Variants in SND1 observed in about 807,000 individuals in gnomAD.
SND1 encodes staphylococcal nuclease and tudor domain containing 1.
A neutral mutation model predicts 121.7 loss-of-function variants in SND1; 38 were observed. The observed-to-expected ratio is 0.31, with a 90% CI of 0.24 to 0.41. The LOEUF is 0.41. SND1 is among the 10% of genes least tolerant of loss of function. The pLI is 1.00. For synonymous variants in SND1, 401 were observed against 447.4 expected (o/e 0.90, Z 1.31); for missense variants, 868 against 1,184.6 (o/e 0.73, Z 3.92).
intron 11 of SND1, among the ~76,000 whole-genome samples, chr7:127,833,043 G>T (rs1798792291): frequency 6.6e-6 from 1 of 152,094 alleles, no homozygotes; most frequent in Non-Finnish European, 1.5e-5. Flanking sequence ...CAAAAGGGTT[G>T]GGGACCACTT....
At chr7:127,948,124 A>T (rs1353006147) in intron 15 of SND1, among the ~76,000 whole-genome samples, 1 of 152,210 alleles carries the variant, frequency 6.6e-6, no homozygotes, top group Non-Finnish European at 1.5e-5. Flanking sequence ...TGGAAAGTTT[A>T]GTGAATAAGA....
intron 17 of SND1, among the ~76,000 whole-genome samples, chr7:128,075,945 A>AG (rs1017516926): frequency 4.6e-5 from 7 of 151,958 alleles, no homozygotes; most frequent in African/African-American, 1.7e-4. Flanking sequence ...CTGCAGGGAG[A>AG]GGGGGGGAGG....
rs146928001 is a variant in SND1 at position 127,692,784 on chromosome 7, T to A, written c.229-2044T>A. On this transcript the variant is annotated intron_variant, in intron 2 of 23. Coordinates refer to ENST00000354725, the MANE Select transcript of SND1 (RefSeq NM_014390.4). ...TTTTTCTTACACGGTTAGGCATATG[T>A]CCTTTGCAAGACCTCCAGTGTGGTT... Among the ~76,000 whole-genome samples the A allele has an allele frequency of 3.9e-5, 6 of 152,364 alleles. No individual in the cohort carries two copies. The East Asian group carries it at 1.2e-3, about 29-fold the overall frequency.
chr7:127,712,167 G>A (rs889596749), intron 9 of SND1, among the ~76,000 whole-genome samples: 1 of 152,056 alleles, frequency 6.6e-6, no homozygotes, highest in African/African-American at 2.4e-5. Flanking sequence ...ATATTTGCTT[G>A]TTTGTTTTTG....
Position 128,087,006 on chromosome 7 carries a change from T to C in SND1, c.2373T>C (p.Ala791=), listed in dbSNP as rs753486679. The C allele has an allele frequency of 2.5e-5, 40 of 1,614,068 alleles. 1 individual carries two copies. In the South Asian group the frequency reaches 4.4e-4, roughly 18 times the overall value. ...SPAFSTRVLP[A]QATEYAFAFI... is the part of the protein sequence containing the mutation. ...CCTTCAGCACTCGGGTGCTGCCAGC[T>C]CAAGCCACGGAGTATGCCTTCGCCT... is the stretch of plus-strand genomic sequence containing the variant. Residue 791 remains alanine (A), a synonymous_variant, in exon 21 of 24, where the codon GCT becomes GCC. Coordinates refer to ENST00000354725, the MANE Select transcript of SND1 (RefSeq NM_014390.4).
intron 14 of SND1, among the ~76,000 whole-genome samples, chr7:127,908,778 C>A (rs1392169448): frequency 1.3e-5 from 2 of 152,276 alleles, no homozygotes; most frequent in South Asian, 2.1e-4. Context: ...TTCTTTATCT[C>A]AGGTTTCTCA....
At chr7:128,073,431 C>T (rs1048797481) in intron 16 of SND1, among the ~76,000 whole-genome samples, 23 of 152,124 alleles carry the variant, frequency 1.5e-4, no homozygotes, top group East Asian at 5.8e-4. Flanking sequence ...TCCTGCCTCT[C>T]GGGCCCTGCC....
At chr7:127,920,470 T>C (rs1399025730) in intron 14 of SND1, among the ~76,000 whole-genome samples, 1 of 152,086 alleles carries the variant, frequency 6.6e-6, no homozygotes, top group African/African-American at 2.4e-5. Context: ...TACAAAGCCA[T>C]GATACTATAA....
At chr7:127,715,179 A>G (rs1229083297) in intron 9 of SND1, among the ~76,000 whole-genome samples, 1 of 148,920 alleles carries the variant, frequency 6.7e-6, no homozygotes, top group Non-Finnish European at 1.5e-5. Flanking sequence ...TTTTTTTTAT[A>G]GTGGCCGCCC....
chr7:127,956,702 C>T lies in SND1; in HGVS notation c.1669+27373C>T, dbSNP rs149598458. On this transcript the variant is annotated intron_variant, in intron 15 of 23. Coordinates refer to ENST00000354725, the MANE Select transcript of SND1 (RefSeq NM_014390.4). ...TTAGGGCACATTATCTCTTAGTTAT[C>T]CCAGGCCTGAGTGCTATGGTTGGGA... is the stretch of plus-strand genomic sequence containing the variant. Among the ~76,000 whole-genome samples, 1,077 of 152,308 alleles carry T rather than the reference C, an allele frequency of 7.1e-3. 3 individuals carry two copies. Among genetic ancestry groups the T allele is most frequent in the Non-Finnish European group, 0.011 (739 of 68,022 alleles).
chr7:128,087,073 T>A, intron 21 of SND1, 22 bp downstream of exon 21: 1 of 1,583,186 alleles, frequency 6.3e-7, no homozygotes, highest in Non-Finnish European at 8.7e-7. Context: ...GTCTTCCTCC[T>A]TCCAAAGGGG....
At chr7:127,897,568 A>T (rs1452722654) in intron 13 of SND1, among the ~76,000 whole-genome samples, 2 of 152,166 alleles carry the variant, frequency 1.3e-5, no homozygotes, top group Non-Finnish European at 2.9e-5. Flanking sequence ...CCACCAATAG[A>T]GTCCACAAGA....
chr7:127,676,366 A>T (rs1795616202), intron 1 of SND1, among the ~76,000 whole-genome samples: 1 of 152,204 alleles, frequency 6.6e-6, no homozygotes, highest in African/African-American at 2.4e-5. Context: ...TAATACAAAT[A>T]ACCCAGAGGA....
chr7:127,981,917 T>C (rs1351690724), intron 15 of SND1, among the ~76,000 whole-genome samples: 2 of 152,210 alleles, frequency 1.3e-5, no homozygotes, highest in Admixed American at 6.5e-5. Context: ...TCCAGAACTC[T>C]TGGAAAAGCA....
At position 127,713,592 on chromosome 7, in the gene SND1, GC is replaced by G. The variant is rs1296103754; in HGVS notation, c.1038+5949del. 2.0e-5 allele frequency among the ~76,000 whole-genome samples: 3 copies of G among 152,218 alleles called. No homozygotes were observed. In the East Asian group the frequency reaches 5.8e-4, roughly 29 times the overall value. ...GTTTTTTAGGAATTAATTGTACAGGGCCCCGCTAAAAGCCTCAAAAGCCTGC... is the reference window on the plus strand; with the variant it reads ...GTTTTTTAGGAATTAATTGTACAGGGCCCGCTAAAAGCCTCAAAAGCCTGC... On this transcript the variant is annotated intron_variant, in intron 9 of 23. Coordinates refer to ENST00000354725, the MANE Select transcript of SND1 (RefSeq NM_014390.4).
chr7:127,818,292 T>C (rs1798484992), intron 11 of SND1, among the ~76,000 whole-genome samples: 1 of 152,212 alleles, frequency 6.6e-6, no homozygotes, highest in South Asian at 2.1e-4. Flanking sequence ...TTGCCTAGTG[T>C]GAAGTCTTCA....
intron 2 of SND1, among the ~76,000 whole-genome samples, chr7:127,692,174 T>A (rs1795931463): frequency 6.6e-6 from 1 of 152,204 alleles, no homozygotes; most frequent in Non-Finnish European, 1.5e-5. Flanking sequence ...TTTCATCTTG[T>A]CCTGGTAGTT....
chr7:128,060,971 T>C (rs1011212272), intron 16 of SND1, among the ~76,000 whole-genome samples: 4 of 152,122 alleles, frequency 2.6e-5, no homozygotes, highest in Admixed American at 2.0e-4. Flanking sequence ...AAGCAGTGCA[T>C]GTATCAGTGG....
chr7:127,664,402 A>G (rs987708060), intron 1 of SND1, among the ~76,000 whole-genome samples: 6 of 152,182 alleles, frequency 3.9e-5, no homozygotes, highest in African/African-American at 1.2e-4. Context: ...AATCATGCCA[A>G]TGTAAGGTAA....
Sources: gnomAD v4.1 joint callset for allele counts (sites outside exome capture counted in the v4.1 genomes callset) on GRCh38, gnomAD v4.1.1 for gene constraint, MANE v1.5 for transcripts, NCBI Gene and HGNC (gene_info 2026-07-23, HGNC 2026-07-21) for gene names.